Variants in ITGA9 observed in about 807,000 individuals in gnomAD.
The protein encoded by ITGA9 is integrin alpha-9.
A neutral mutation model predicts 127.8 loss-of-function variants in ITGA9; 56 were observed. The ratio of observed to expected loss-of-function variants is 0.44; its 90% CI spans 0.35 to 0.55. ITGA9 has a LOEUF of 0.55. ITGA9 is among the 20% of genes least tolerant of loss of function. ITGA9 has a pLI of 0.00. For synonymous variants in ITGA9, 508 were observed against 514.5 expected (o/e 0.99, Z 0.17); for missense variants, 1,196 against 1,347.1 (o/e 0.89, Z 1.76).
intron 4 of ITGA9, among the ~76,000 whole-genome samples, chr3:37,490,318 A>T (rs953740288): frequency 2.0e-5 from 3 of 152,188 alleles, no homozygotes; most frequent in Admixed American, 6.5e-5. Flanking sequence ...AGAATAAGAG[A>T]GCTGAACATA....
Position 37,506,042 on chromosome 3 carries a change from T to C in ITGA9, c.785T>C (p.Ile262Thr), listed in dbSNP as rs202167408. The C allele has an allele frequency of 1.3e-4, 216 of 1,610,578 alleles. No homozygotes were observed. The highest frequency in any genetic ancestry group is 2.7e-4 in the Admixed American group (16 of 59,638). Residue 262 changes from isoleucine to threonine, a missense_variant, in exon 7 of 28, where the codon ATT (isoleucine) becomes ACT (threonine). Coordinates refer to ENST00000264741, the MANE Select transcript of ITGA9 (RefSeq NM_002207.3). ...GGCCACTTCTCTCACCCGTCCACCA[T>C]TGATGTGGTAGGAGGTGCCCCACAG... is the stretch of plus-strand genomic sequence containing the variant. ...TAGHFSHPST[I>T]DVVGGAPQDK...
intron 7 of ITGA9, among the ~76,000 whole-genome samples, chr3:37,507,940 C>T (rs1167921556): frequency 2.0e-5 from 3 of 152,252 alleles, no homozygotes; most frequent in Non-Finnish European, 4.4e-5. Flanking sequence ...CAGTGATCGT[C>T]TTTGCAGTGG....
At chr3:37,755,498 A>G (rs1194606666) in intron 23 of ITGA9, among the ~76,000 whole-genome samples, 2 of 152,246 alleles carry the variant, frequency 1.3e-5, no homozygotes, top group African/African-American at 4.8e-5. Flanking sequence ...TGAATAAGCA[A>G]GACTGATGTC....
chr3:37,756,471 A>G (rs1168922054), intron 23 of ITGA9, among the ~76,000 whole-genome samples: 1 of 152,190 alleles, frequency 6.6e-6, no homozygotes, highest in East Asian at 1.9e-4. Flanking sequence ...GAATAATGCA[A>G]CTAGAGTTGC....
At position 37,777,408 on chromosome 3, in the gene ITGA9, G is replaced by A; in HGVS notation, c.2558G>A (p.Gly853Glu). The A allele has an allele frequency of 1.2e-6, 2 of 1,614,072 alleles. No individual in the cohort carries two copies. Among genetic ancestry groups the A allele is most frequent in the South Asian group, 1.1e-5 (1 of 91,078 alleles). ...CATTTGCAGGTGGGCCAAGAGAAGG[G>A]AAACTGCTCTTTCCAGAAAAACCCA... Reference protein sequence around the residue: ...VQEMVVGQEKGNCSFQKNPTP... With the variant: ...VQEMVVGQEKENCSFQKNPTP... The change falls in exon 24 of 28, where the codon GGA becomes GAA. Residue 853 changes from glycine to glutamate, a missense_variant. Physicochemically the swap from Gly to Glu is moderately conservative, Grantham distance 98 (BLOSUM62 -2). Coordinates refer to ENST00000264741, the MANE Select transcript of ITGA9 (RefSeq NM_002207.3).
At chr3:37,659,544 C>T (rs959285919) in intron 17 of ITGA9, among the ~76,000 whole-genome samples, 8 of 151,792 alleles carry the variant, frequency 5.3e-5, no homozygotes, top group Admixed American at 5.3e-4. Context: ...CATTTATGTT[C>T]TTCTCTAAAC....
In ITGA9 at chr3:37,819,292, A is replaced by G; in HGVS notation, c.*303A>G. 2.4e-6 allele frequency: 1 copy of G among 421,354 alleles called. No homozygotes were observed. Among genetic ancestry groups the G allele is most frequent in the Non-Finnish European group, 4.3e-6 (1 of 231,334 alleles). 26.1% of individuals were successfully genotyped at this position (421,354 alleles called of 1,614,324 possible). ...ACCCTCAGGGGAAAACTGTTACCTA[A>G]AGTATTTTTATAAATATAAGCCTTT... On this transcript the variant is annotated 3_prime_UTR_variant, in exon 28 of 28. Coordinates refer to ENST00000264741, the MANE Select transcript of ITGA9 (RefSeq NM_002207.3).
At chr3:37,771,073 C>T (rs2125547242) in intron 23 of ITGA9, among the ~76,000 whole-genome samples, 1 of 152,280 alleles carries the variant, frequency 6.6e-6, no homozygotes, top group African/African-American at 2.4e-5. Flanking sequence ...GGACCTCTGC[C>T]AGCTCCCAGA....
intron 16 of ITGA9, among the ~76,000 whole-genome samples, chr3:37,646,635 C>T (rs1575179198): frequency 6.6e-6 from 1 of 152,184 alleles, no homozygotes; most frequent in African/African-American, 2.4e-5. Flanking sequence ...AAACTTCTTC[C>T]AGGGAAATAA....
At chr3:37,640,558 G>A (rs1700322433) in intron 16 of ITGA9, among the ~76,000 whole-genome samples, 1 of 152,170 alleles carries the variant, frequency 6.6e-6, no homozygotes, top group Non-Finnish European at 1.5e-5. Flanking sequence ...TCGGCCTGTA[G>A]AACCTGGAGC....
chr3:37,601,458 A>C (rs995397368), intron 15 of ITGA9, among the ~76,000 whole-genome samples: 15 of 152,192 alleles, frequency 9.9e-5, no homozygotes, highest in Admixed American at 7.2e-4. Context: ...AACTAGGGAA[A>C]ATGGAGATGG....
At chr3:37,580,055 A>G (rs942670039) in intron 15 of ITGA9, among the ~76,000 whole-genome samples, 2 of 152,284 alleles carry the variant, frequency 1.3e-5, no homozygotes, top group Admixed American at 1.3e-4. Flanking sequence ...AGTATGGTAC[A>G]TATGAAGTAC....
intron 15 of ITGA9, among the ~76,000 whole-genome samples, chr3:37,564,383 G>C (rs745334934): frequency 2.0e-5 from 3 of 152,152 alleles, no homozygotes; most frequent in African/African-American, 4.8e-5. Context: ...CCCTAGTTCT[G>C]ATCTCTGGGG....
At chr3:37,818,191 TAAAAAAA>T (rs748381488) in intron 27 of ITGA9, 2 of 31,970 alleles carry the variant, frequency 6.3e-5, no homozygotes, top group Non-Finnish European at 1.3e-4. Context: ...TAAGACTCTC[TAAAAAAA>T]AAAAAAAAAA....
chr3:37,590,476 G>T (rs563222323), intron 15 of ITGA9, among the ~76,000 whole-genome samples: 2 of 152,300 alleles, frequency 1.3e-5, no homozygotes, highest in East Asian at 3.9e-4. Context: ...CTCCCATGGG[G>T]TTTCACAGCT....
intron 16 of ITGA9, among the ~76,000 whole-genome samples, chr3:37,630,555 G>C (rs940460263): frequency 2.0e-5 from 3 of 152,210 alleles, no homozygotes; most frequent in Non-Finnish European, 2.9e-5. Flanking sequence ...CTGGCTGTGG[G>C]GGGGAAGGGA....
At chr3:37,535,433 C>G (rs1235313799) in intron 14 of ITGA9, among the ~76,000 whole-genome samples, 1 of 152,208 alleles carries the variant, frequency 6.6e-6, no homozygotes, top group Non-Finnish European at 1.5e-5. Context: ...TCATGCTGTT[C>G]CCGACCAGTG....
At chr3:37,623,693 G>GTC (rs1343355367) in intron 15 of ITGA9, among the ~76,000 whole-genome samples, 1 of 16,438 alleles carries the variant, frequency 6.1e-5, no homozygotes, top group Non-Finnish European at 1.7e-4. Flanking sequence ...GTGTGTGTCT[G>GTC]TGTGTGTGTG....
At chr3:37,587,344 G>A (rs777321020) in intron 15 of ITGA9, among the ~76,000 whole-genome samples, 3 of 152,158 alleles carry the variant, frequency 2.0e-5, no homozygotes, top group Non-Finnish European at 4.4e-5. Context: ...AAACAGTTAA[G>A]TTCAGGTCCT....
Sources: allele counts gnomAD v4.1 joint callset (sites outside exome capture counted in the v4.1 genomes callset), GRCh38; gene constraint gnomAD v4.1.1; transcripts MANE v1.5; gene names NCBI Gene and HGNC (gene_info 2026-07-23, HGNC 2026-07-21).